TOGARAM1: variants seen among roughly 807,000 people sequenced by gnomAD.
The protein encoded by TOGARAM1 is TOG array regulator of axonemal microtubules protein 1.
Under a neutral mutation model 166.6 loss-of-function variants are expected in TOGARAM1, and 100 were observed. The observed-to-expected ratio is 0.60, with a 90% CI of 0.51 to 0.71. The LOEUF is 0.71. Among genes scored for constraint, TOGARAM1 ranks in the 30% least tolerant of loss-of-function variants. The pLI is 0.00. For missense variants in TOGARAM1, 2,029 were observed against 2,102.7 expected (o/e 0.96, Z 0.69); for synonymous variants, 758 against 763.8 (o/e 0.99, Z 0.13).
intron 1 of TOGARAM1, among the ~76,000 whole-genome samples, chr14:44,986,586 C>T (rs1318101611): frequency 1.3e-5 from 2 of 152,012 alleles, no homozygotes; most frequent in Admixed American, 1.3e-4. Flanking sequence ...CATGAGCCAC[C>T]ACTCCTGGCC....
At position 45,004,342 on chromosome 14, in the gene TOGARAM1, T is replaced by A. The variant is rs750542373; in HGVS notation, c.2620T>A (p.Ser874Thr). ...GAAGAAGCTTGTCAGCCAAAAATCG[T>A]CTGATCCTACGGGTAGAAATCATGG... ...PQKKLVSQKSSDPTGRNHGEN... is the reference protein window; with the variant it reads ...PQKKLVSQKSTDPTGRNHGEN... Residue 874 changes from serine to threonine, a missense_variant, in exon 4 of 20, where the codon TCT becomes ACT. Ser to Thr is a moderately conservative substitution (Grantham distance 58, BLOSUM62 1). Around this residue, in one of 2 missense-constraint regions of TOGARAM1, gnomAD observed 1,453 missense variants for 1,432.2 expected, o/e 1.01. Coordinates refer to ENST00000361462, the MANE Select transcript of TOGARAM1 (RefSeq NM_001308120.2). 1 of 1,613,884 alleles carries A rather than the reference T, an allele frequency of 6.2e-7. No homozygotes were observed. Among genetic ancestry groups the A allele is most frequent in the Non-Finnish European group, 8.5e-7 (1 of 1,179,904 alleles).
chr14:44,988,729 G>A (rs1166476830), intron 1 of TOGARAM1, among the ~76,000 whole-genome samples: 2 of 152,198 alleles, frequency 1.3e-5, no homozygotes, highest in South Asian at 2.1e-4. Flanking sequence ...GTAATAGTGT[G>A]TGATTTCAGA....
At chr14:45,030,167 C>T (rs571707750) in intron 10 of TOGARAM1, among the ~76,000 whole-genome samples, 1 of 152,254 alleles carries the variant, frequency 6.6e-6, no homozygotes, top group Non-Finnish European at 1.5e-5. Context: ...AGCATCACTA[C>T]TTTCAATTGA....
intron 19 of TOGARAM1, among the ~76,000 whole-genome samples, chr14:45,072,410 G>A (rs912145098): frequency 2.6e-5 from 4 of 151,842 alleles, no homozygotes; most frequent in Non-Finnish European, 5.9e-5. Context: ...GTCTCAAGAC[G>A]GAGTCTCTGG....
intron 1 of TOGARAM1, among the ~76,000 whole-genome samples, chr14:44,988,400 G>GTA (rs1474987409): frequency 6.6e-6 from 1 of 152,132 alleles, no homozygotes; most frequent in Non-Finnish European, 1.5e-5. Context: ...AGGGTAGACA[G>GTA]TATATATCAA....
At chr14:45,032,487 T>G in intron 11 of TOGARAM1, 111 bp downstream of exon 11, 1 of 1,136,830 alleles carries the variant, frequency 8.8e-7, no homozygotes, top group South Asian at 1.5e-5. Context: ...TAGAAATGAT[T>G]ATTTAGTTCT....
chr14:44,963,839 G>T lies in TOGARAM1; in HGVS notation c.1418G>T (p.Cys473Phe). The change falls in exon 1 of 20, where the codon TGT becomes TTT. Residue 473 changes from cysteine to phenylalanine, a missense_variant. Transcript: ENST00000361462. ...GAAGTAGGACCTCAGCAGGTGCTTT[G>T]TTTACTCCTGGAACATCTCAAACAT... ...MKEVGPQQVL[C>F]LLLEHLKHKH... The T allele has an allele frequency of 6.2e-7, 1 of 1,614,188 alleles. No homozygotes were observed. Among genetic ancestry groups the T allele is most frequent in the Non-Finnish European group, 8.5e-7 (1 of 1,180,012 alleles).
chr14:45,058,856 G>A (rs1882771661), intron 16 of TOGARAM1, among the ~76,000 whole-genome samples: 1 of 151,996 alleles, frequency 6.6e-6, no homozygotes, highest in South Asian at 2.1e-4. Context: ...GTGGAATTCT[G>A]TCATGTTGCC....
rs776031134 is a variant in TOGARAM1 at position 44,963,800 on chromosome 14, T to G, written c.1379T>G (p.Leu460Arg). ...VIKQEYMKIF[L>R]KLMKEVGPQQ... ...AAACAAGAATACATGAAAATCTTCC[T>G]CAAGCTAATGAAGGAAGTAGGACCT... The change falls in exon 1 of 20, where the codon CTC becomes CGC. Residue 460 changes from leucine to arginine, a missense_variant. Physicochemically the swap from Leu to Arg is moderately radical, Grantham distance 102. Transcript: ENST00000361462. 8 of 1,614,118 alleles carry G rather than the reference T, an allele frequency of 5.0e-6. No homozygotes were observed. The highest frequency in any genetic ancestry group is 1.7e-5 in the Admixed American group (1 of 60,020).
chr14:44,964,429 G>A lies in TOGARAM1; in HGVS notation c.2008G>A (p.Gly670Arg), dbSNP rs1287041244. The change falls in exon 1 of 20, where the codon GGA becomes AGA. Residue 670 changes from glycine (G) to arginine (R), a missense_variant. Gly to Arg is a moderately radical substitution (Grantham distance 125). Transcript: ENST00000361462. The part of the protein sequence containing the change: ...PWENEQPGIM[G>R]ENQTSTSKDI... ...GGAAAATGAGCAACCTGGAATCATG[G>A]GAGAAAACCAGACCTCCACTTCCAA... 2 of 1,601,894 alleles carry A rather than the reference G, an allele frequency of 1.2e-6. No homozygotes were observed.
rs1478935934 is a variant in TOGARAM1, at chr14:44,963,649, G to A, written c.1228G>A (p.Val410Met). The change falls in exon 1 of 20, where the codon GTG (valine) becomes ATG (methionine). Residue 410 changes from valine to methionine, a missense_variant. Val to Met is a conservative substitution (Grantham distance 21, BLOSUM62 1). This residue lies in a region of TOGARAM1 where 1,453 missense variants were observed against 1,432.2 expected (regional missense o/e 1.01). Coordinates refer to ENST00000361462, the MANE Select transcript of TOGARAM1 (RefSeq NM_001308120.2). Reference protein sequence around the residue: ...YNLLDDSNFKVVHGTLEVLHL... With the variant: ...YNLLDDSNFKMVHGTLEVLHL... Reference sequence around the variant, plus strand: ...TTTGTTAGACGATTCTAACTTCAAAGTGGTGCATGGCACACTTGAAGTCCT... The same window carrying A: ...TTTGTTAGACGATTCTAACTTCAAAATGGTGCATGGCACACTTGAAGTCCT... The A allele has an allele frequency of 1.9e-6, 3 of 1,613,254 alleles. No individual in the cohort carries two copies. The highest frequency in any genetic ancestry group is 2.5e-6 in the Non-Finnish European group (3 of 1,180,028).
Position 44,962,769 on chromosome 14 carries a change from G to A in TOGARAM1, c.348G>A (p.Leu116=). Residue 116 remains leucine (L), a synonymous_variant, in exon 1 of 20, where the codon TTG becomes TTA. Transcript: ENST00000361462. ...ATCCTTCTGAGGCCTTCCAGGCTTT[G>A]CAAGCTGCTTTGCCGCGGCGGGGCG... ...ARDPSEAFQA[L]QAALPRRGGR... 1.9e-6 allele frequency: 3 copies of A among 1,613,036 alleles called. No homozygotes were observed. Among genetic ancestry groups the A allele is most frequent in the Admixed American group, 3.3e-5 (2 of 60,032 alleles).
chr14:44,981,156 G>T (rs1886509854), intron 1 of TOGARAM1, among the ~76,000 whole-genome samples: 1 of 152,138 alleles, frequency 6.6e-6, no homozygotes, highest in Non-Finnish European at 1.5e-5. Flanking sequence ...TGAATTTTTG[G>T]TGAAGGAAGA....
At chr14:45,053,176 T>C (rs1882463552) in intron 15 of TOGARAM1, among the ~76,000 whole-genome samples, 1 of 151,960 alleles carries the variant, frequency 6.6e-6, no homozygotes, top group Admixed American at 6.6e-5. Context: ...GTAGCTGGGA[T>C]TACAGGTGCC....
intron 11 of TOGARAM1, among the ~76,000 whole-genome samples, chr14:45,034,014 G>A (rs984304904): frequency 1.3e-5 from 2 of 151,984 alleles, no homozygotes; most frequent in Non-Finnish European, 2.9e-5. Flanking sequence ...AAATCAGCTG[G>A]TGCATGGTGG....
At chr14:45,060,505 C>T (rs947876827) in intron 16 of TOGARAM1, among the ~76,000 whole-genome samples, 8 of 152,060 alleles carry the variant, frequency 5.3e-5, no homozygotes, top group Non-Finnish European at 1.0e-4. Flanking sequence ...CATGAGCCAC[C>T]ACACCCAGCC....
chr14:44,963,607 A>C lies in TOGARAM1; in HGVS notation c.1186A>C (p.Ile396Leu). 6.2e-7 allele frequency: 1 copy of C among 1,613,618 alleles called. No homozygotes were observed. Among genetic ancestry groups the C allele is most frequent in the South Asian group, 1.1e-5 (1 of 91,058 alleles). The change falls in exon 1 of 20, where the codon ATT becomes CTT. Residue 396 changes from isoleucine (I) to leucine (L), a missense_variant. Physicochemically the swap from Ile to Leu is conservative, Grantham distance 5 (BLOSUM62 2). Transcript: ENST00000361462. ...STPHSSLVGF[I>L]SLLYNLLDDS... ...TCCTCATTCTAGTCTTGTTGGCTTCATTAGTTTGCTATATAATTTGTTAGA... is the reference window on the plus strand; with the variant it reads ...TCCTCATTCTAGTCTTGTTGGCTTCCTTAGTTTGCTATATAATTTGTTAGA...
rs561590482 is a variant in TOGARAM1 at position 45,011,783 on chromosome 14, A to ATGTGTG, written c.3138-191_3138-190insGTGTGT. ...AGGTGAACTAAGAATAGCAAAATAT[A>ATGTGTG]TATGTGTGTGTGTGTGTGTGTGTGT... On this transcript the variant is annotated intron_variant, in intron 6 of 19. Coordinates refer to ENST00000361462, the MANE Select transcript of TOGARAM1 (RefSeq NM_001308120.2). 15 of 417,826 alleles carry ATGTGTG rather than the reference A, an allele frequency of 3.6e-5. No individual in the cohort carries two copies. The African/African-American group carries it at 3.8e-4, about 10-fold the overall frequency. 25.9% of individuals were successfully genotyped at this position (417,826 alleles called of 1,614,324 possible). A position where few individuals can be genotyped will look rare whatever the true frequency, so the allele number is the denominator to read the frequency against.
chr14:45,053,584 A>G (rs1032393981), intron 15 of TOGARAM1, among the ~76,000 whole-genome samples: 9 of 152,132 alleles, frequency 5.9e-5, no homozygotes, highest in Non-Finnish European at 1.3e-4. Context: ...GTAGCAATAG[A>G]CATTTTAGAG....
Sources: gnomAD v4.1 joint callset for allele counts (sites outside exome capture counted in the v4.1 genomes callset) on GRCh38, gnomAD v4.1.1 for gene constraint, gnomAD v4.1.1 regional missense constraint, MANE v1.5 for transcripts, NCBI Gene and HGNC (gene_info 2026-07-23, HGNC 2026-07-21) for gene names.